DMXL2: variants seen among roughly 807,000 people sequenced by gnomAD.
The protein encoded by DMXL2 is dmX-like protein 2.
A neutral mutation model predicts 331.1 loss-of-function variants in DMXL2; 103 were observed. That is an observed-to-expected ratio of 0.31 (90% CI 0.27 to 0.37). DMXL2 has a LOEUF of 0.37. DMXL2 is among the 10% of genes least tolerant of loss of function. The pLI, the probability that DMXL2 is intolerant of heterozygous loss-of-function variation, is 1.00. For missense variants in DMXL2, 3,171 were observed against 3,642.9 expected, an observed-to-expected ratio of 0.87 and a Z score of 3.33; for synonymous variants, 1,281 against 1,252.1, an observed-to-expected ratio of 1.02 and a Z score of -0.49.
intron 9 of DMXL2, among the ~76,000 whole-genome samples, chr15:51,539,925 T>C (rs2048494895): frequency 6.6e-6 from 1 of 152,266 alleles, no homozygotes; most frequent in Non-Finnish European, 1.5e-5. Context: ...ATGGACATTC[T>C]GGTAATGTTC....
chr15:51,448,917 G>T lies in DMXL2; in HGVS notation c.*67C>A. ...TTTCAATACAACTGCTTAGAAAGCA[G>T]AATTGCCTAGTGATGACTGTAGTGT... is the stretch of plus-strand genomic sequence containing the variant. On this transcript the variant is annotated 3_prime_UTR_variant, in exon 44 of 44. Transcript: ENST00000560891. 1 of 1,460,134 alleles carries T rather than the reference G, an allele frequency of 6.8e-7. No homozygotes were observed. The highest frequency in any genetic ancestry group is 1.2e-5 in the South Asian group (1 of 83,408). The allele number at this position is 1,460,134 out of a possible 1,614,324, so 90.4% of individuals were successfully genotyped here. A position where few individuals can be genotyped will look rare whatever the true frequency, so the allele number is the denominator to read the frequency against.
intron 13 of DMXL2, among the ~76,000 whole-genome samples, chr15:51,525,343 C>T (rs1021067855): frequency 2.0e-5 from 3 of 152,072 alleles, no homozygotes; most frequent in African/African-American, 7.2e-5. Flanking sequence ...CAGGGCAAGA[C>T]TCCTGCTAGA....
intron 1 of DMXL2, among the ~76,000 whole-genome samples, chr15:51,608,641 C>T (rs531353603): frequency 7.2e-5 from 11 of 152,098 alleles, no homozygotes; most frequent in Non-Finnish European, 1.3e-4. Context: ...AACTACCTAT[C>T]GGGAACTATA....
At chr15:51,542,245 T>TA in intron 9 of DMXL2, 88 bp downstream of exon 9, 1 of 1,302,276 alleles carries the variant, frequency 7.7e-7, no homozygotes, top group Non-Finnish European at 1.1e-6. Context: ...CATGAAATAA[T>TA]AAAAAACAGG....
At chr15:51,585,473 A>G (rs1294234746) in intron 1 of DMXL2, among the ~76,000 whole-genome samples, 1 of 152,084 alleles carries the variant, frequency 6.6e-6, no homozygotes, top group Admixed American at 6.5e-5. Context: ...GCTTTGCCAT[A>G]ATTAATTTTG....
intron 3 of DMXL2, 103 bp downstream of exon 3, chr15:51,568,384 A>C (rs2050434037): frequency 1.4e-6 from 1 of 690,266 alleles, no homozygotes; most frequent in Non-Finnish European, 2.4e-6. Flanking sequence ...CTGATACTCT[A>C]GTCTATTTTC....
At chr15:51,504,330 A>G (rs1264399040) in intron 16 of DMXL2, among the ~76,000 whole-genome samples, 6 of 152,192 alleles carry the variant, frequency 3.9e-5, no homozygotes, top group Non-Finnish European at 8.8e-5. Context: ...CAAGTACTCA[A>G]ATCAGAGAAT....
chr15:51,491,848 T>C (rs2042824532), intron 19 of DMXL2, 101 bp from the exon 20 acceptor site: 6 of 1,028,058 alleles, frequency 5.8e-6, no homozygotes, highest in East Asian at 2.8e-5. Context: ...GGAAAGAATT[T>C]TGAAGCAGAA....
chr15:51,474,512 C>T lies in DMXL2; in HGVS notation c.7045G>A (p.Val2349Ile). 1.2e-6 allele frequency: 2 copies of T among 1,614,122 alleles called. No homozygotes were observed. The highest frequency in any genetic ancestry group is 1.7e-6 in the Non-Finnish European group (2 of 1,180,004). The part of the protein sequence containing the change: ...PKLNILLCEA[V>I]VAVYLSLLIH... Reference sequence around the variant, plus strand: ...AATAAACTTAAGTAAACAGCAACAACAGCTTCACATAGCAAAATGTTCAGT... The same window carrying T: ...AATAAACTTAAGTAAACAGCAACAATAGCTTCACATAGCAAAATGTTCAGT... Residue 2349 changes from valine (V) to isoleucine (I), a missense_variant, in exon 28 of 44, where the codon GTT (valine) becomes ATT (isoleucine). By Grantham distance (29) the Val-to-Ile change is conservative. This residue lies in a region of DMXL2 where 766 missense variants were observed against 940.5 expected (regional missense o/e 0.81). Transcript: ENST00000560891.
intron 36 of DMXL2, chr15:51,458,112 G>A (rs550890737): frequency 4.3e-4 from 71 of 166,742 alleles, no homozygotes; most frequent in South Asian, 1.1e-3. Context: ...AAGTAAAGCC[G>A]TCTACATTTT....
At chr15:51,480,412 C>T (rs2140363859) in intron 24 of DMXL2, 130 bp downstream of exon 24, 7 of 1,165,682 alleles carry the variant, frequency 6.0e-6, no homozygotes, top group Non-Finnish European at 8.1e-6. Flanking sequence ...TATCTGCCTC[C>T]TATAAAGAGA....
chr15:51,607,332 T>G (rs2053658931), intron 1 of DMXL2, among the ~76,000 whole-genome samples: 1 of 152,026 alleles, frequency 6.6e-6, no homozygotes. Flanking sequence ...GGCAGGTGCC[T>G]GTAGTCCCAG....
At position 51,545,499 on chromosome 15, in the gene DMXL2, G is replaced by A. The variant is rs147219444; in HGVS notation, c.930+84C>T. 562 of 1,181,458 alleles carry A rather than the reference G, an allele frequency of 4.8e-4. 7 individuals are homozygous for A. The East Asian group carries it at 0.013, about 26-fold the overall frequency. The allele number at this position is 1,181,458 out of a possible 1,614,324, so 73.2% of individuals were successfully genotyped here. ...ATTTCACTCATTACATGTACCATGT[G>A]TGCCATCTGCATGTTAGTTCATGAA... On this transcript the variant is annotated intron_variant, in intron 8 of 43. Transcript: ENST00000560891.
chr15:51,514,446 T>A lies in DMXL2; in HGVS notation c.2640A>T (p.Ser880=). Residue 880 remains serine (S), a synonymous_variant, in exon 15 of 44, where the codon TCA becomes TCT. Coordinates refer to ENST00000560891, the MANE Select transcript of DMXL2 (RefSeq NM_001378457.1). ...KKETEIFFQP[S]QGYRPPPFSE... is the part of the protein sequence containing the mutation. ...CAGACTATTTTTTTAAAGTACCTTG[T>A]GATGGCTGAAAAAATATTTCTGTTT... 2.0e-6 allele frequency: 3 copies of A among 1,533,202 alleles called. No individual in the cohort carries two copies. The highest frequency in any genetic ancestry group is 2.7e-6 in the Non-Finnish European group (3 of 1,120,204). 95.0% of individuals were successfully genotyped at this position (1,533,202 alleles called of 1,614,324 possible).
intron 31 of DMXL2, among the ~76,000 whole-genome samples, chr15:51,465,102 G>A (rs921756893): frequency 1.3e-5 from 2 of 152,104 alleles, no homozygotes; most frequent in Non-Finnish European, 2.9e-5. Context: ...ATAAACTAAA[G>A]TATTAGACTG....
chr15:51,453,412 T>G lies in DMXL2; in HGVS notation c.8696+138A>C, dbSNP rs545361781. ...CTCTTTTTGGTAAGAAAAAACACTC[T>G]GAAATAAGAATTATGTAACAAAGTT... On this transcript the variant is annotated intron_variant, in intron 41 of 43. Coordinates refer to ENST00000560891, the MANE Select transcript of DMXL2 (RefSeq NM_001378457.1). The G allele has an allele frequency of 4.5e-3, 1,756 of 393,786 alleles. 22 individuals are homozygous for G. Among genetic ancestry groups the G allele is most frequent in the African/African-American group, 0.041 (1,616 of 39,654 alleles). The allele number at this position is 393,786 out of a possible 1,614,324, so 24.4% of individuals were successfully genotyped here. A position where few individuals can be genotyped will look rare whatever the true frequency, so the allele number is the denominator to read the frequency against.
intron 1 of DMXL2, among the ~76,000 whole-genome samples, chr15:51,600,890 T>C (rs1173541877): frequency 1.3e-5 from 2 of 152,166 alleles, no homozygotes; most frequent in Non-Finnish European, 2.9e-5. Context: ...TATGGTCATA[T>C]CCCAGCTCCA....
chr15:51,482,449 T>C (rs1344046026), intron 23 of DMXL2, among the ~76,000 whole-genome samples: 1 of 152,128 alleles, frequency 6.6e-6, no homozygotes, highest in Non-Finnish European at 1.5e-5. Flanking sequence ...ATAATCTATA[T>C]GTGCATGAGA....
At chr15:51,587,107 T>C (rs893777071) in intron 1 of DMXL2, among the ~76,000 whole-genome samples, 3 of 152,220 alleles carry the variant, frequency 2.0e-5, no homozygotes, top group African/African-American at 7.2e-5. Flanking sequence ...AACAATTTGC[T>C]TCATAACAAA....
Sources: gnomAD v4.1 joint callset for allele counts (sites outside exome capture counted in the v4.1 genomes callset) on GRCh38, gnomAD v4.1.1 for gene constraint, gnomAD v4.1.1 regional missense constraint, MANE v1.5 for transcripts, NCBI Gene and HGNC (gene_info 2026-07-23, HGNC 2026-07-21) for gene names.